The following SLC9A7 variants were observed in gnomAD, a reference collection of about 807,000 sequenced individuals.
SLC9A7 encodes solute carrier family 9 member A7.
A neutral mutation model predicts 52.6 loss-of-function variants in SLC9A7; 19 were observed. That is an observed-to-expected ratio of 0.36 (90% CI 0.25 to 0.53). The LOEUF (loss-of-function observed/expected upper bound fraction) is 0.53, where lower values mean the gene tolerates loss of function less well. Among genes scored for constraint, SLC9A7 ranks in the 20% least tolerant of loss-of-function variants. The pLI is 0.91. For synonymous variants in SLC9A7, 226 were observed against 252.1 expected, an observed-to-expected ratio of 0.90 and a Z score of 0.98; for missense variants, 455 against 597.9, an observed-to-expected ratio of 0.76 and a Z score of 2.49.
At position 46,602,198 on chromosome X, in the gene SLC9A7, C is replaced by T. The variant is rs929500616; in HGVS notation, c.*4754G>A. ...CTCCCCATACATACCCCAAGTCACC[C>T]TTCTCTTTCCTCGAAGGCTCCAAGG... On this transcript the variant is annotated 3_prime_UTR_variant, in exon 17 of 17. Coordinates refer to ENST00000616978, the MANE Select transcript of SLC9A7 (RefSeq NM_001257291.2). 1.8e-5 allele frequency: 2 copies of T among 111,628 alleles called. No individual in the cohort carries two copies. The highest frequency in any genetic ancestry group is 6.5e-5 in the African/African-American group (2 of 30,676). 9.2% of individuals were successfully genotyped at this position (111,628 alleles called of 1,213,427 possible). A position where few individuals can be genotyped will look rare whatever the true frequency, so the allele number is the denominator to read the frequency against.
At chrX:46,737,177 T>G (rs1200067428) in intron 1 of SLC9A7, among the ~76,000 whole-genome samples, 1 of 111,960 alleles carries the variant, frequency 8.9e-6, no homozygotes, top group African/African-American at 3.2e-5. Context: ...TAGGCAGATT[T>G]TGGCAGTGGC....
Position 46,742,768 on chromosome X carries a change from G to A in SLC9A7, c.325+15937C>T, listed in dbSNP as rs144647416. Among the ~76,000 whole-genome samples the A allele has an allele frequency of 2.1e-4, 23 of 112,139 alleles. 1 individual carries two copies. The highest frequency in any genetic ancestry group is 6.5e-4 in the African/African-American group (20 of 30,834). On this transcript the variant is annotated intron_variant, in intron 1 of 16. Coordinates refer to ENST00000616978, the MANE Select transcript of SLC9A7 (RefSeq NM_001257291.2). ...TGTTAAAAATTAAATTAATAAATCTGACCAGGTGTTGTGGCTCATGCCTAT... is the reference window on the plus strand; with the variant it reads ...TGTTAAAAATTAAATTAATAAATCTAACCAGGTGTTGTGGCTCATGCCTAT...
chrX:46,751,295 G>A (rs1006996419), intron 1 of SLC9A7, among the ~76,000 whole-genome samples: 3 of 110,560 alleles, frequency 2.7e-5, no homozygotes, highest in Admixed American at 2.0e-4. Flanking sequence ...CATTACATGC[G>A]TGAAAAACAA....
intron 14 of SLC9A7, among the ~76,000 whole-genome samples, chrX:46,622,194 G>A (rs1284091997): frequency 2.7e-5 from 3 of 111,682 alleles, no homozygotes; most frequent in Non-Finnish European, 5.6e-5. Flanking sequence ...AAATGGCTCA[G>A]TTAAATGGGC....
At chrX:46,626,535 G>A (rs1027663346) in intron 14 of SLC9A7, among the ~76,000 whole-genome samples, 9 of 112,497 alleles carry the variant, frequency 8.0e-5, no homozygotes, top group East Asian at 2.8e-4. Context: ...TTGGCCTCCC[G>A]AAGTGCTGGG....
intron 1 of SLC9A7, among the ~76,000 whole-genome samples, chrX:46,714,132 G>A (rs1415786658): frequency 9.1e-6 from 1 of 110,278 alleles, no homozygotes; most frequent in Admixed American, 9.7e-5. Context: ...TTGTATTAGG[G>A]GTTTTACTTA....
chrX:46,633,365 A>AAAAC (rs1943258169), intron 13 of SLC9A7, among the ~76,000 whole-genome samples: 1 of 96,641 alleles, frequency 1.0e-5, no homozygotes, highest in Non-Finnish European at 2.1e-5. Flanking sequence ...AAAAAAAAAA[A>AAAAC]AAAAAAAAAA....
At chrX:46,623,916 A>G (rs991722453) in intron 14 of SLC9A7, among the ~76,000 whole-genome samples, 2 of 111,867 alleles carry the variant, frequency 1.8e-5, no homozygotes, top group African/African-American at 3.3e-5. Flanking sequence ...AGAGAAACCA[A>G]CCATGTAATT....
chrX:46,654,985 T>TC (rs1556095191), intron 7 of SLC9A7, among the ~76,000 whole-genome samples: 1 of 95,154 alleles, frequency 1.1e-5, no homozygotes, highest in Non-Finnish European at 2.2e-5. Context: ...TTTCTTTCTT[T>TC]TTTTTTTTTT....
intron 1 of SLC9A7, among the ~76,000 whole-genome samples, chrX:46,723,148 A>G (rs1021820047): frequency 3.6e-5 from 4 of 109,722 alleles, no homozygotes; most frequent in Non-Finnish European, 7.6e-5. Flanking sequence ...AATCACCACC[A>G]CATATATAAC....
intron 1 of SLC9A7, among the ~76,000 whole-genome samples, chrX:46,735,971 T>C (rs1052263651): frequency 8.1e-5 from 9 of 111,775 alleles, no homozygotes; most frequent in Non-Finnish European, 1.7e-4. Context: ...GGTATCTGTT[T>C]ATTGTTTTGG....
intron 13 of SLC9A7, among the ~76,000 whole-genome samples, chrX:46,633,878 G>A (rs187495806): frequency 5.4e-5 from 6 of 110,637 alleles, no homozygotes; most frequent in African/African-American, 2.0e-4. Context: ...CACCATGTTG[G>A]CCAGGCTGGT....
At chrX:46,631,376 A>G (rs1374114150) in intron 14 of SLC9A7, among the ~76,000 whole-genome samples, 2 of 112,316 alleles carry the variant, frequency 1.8e-5, no homozygotes, top group African/African-American at 6.5e-5. Flanking sequence ...GATTAAGAAC[A>G]CATACCCTGG....
rs149453201 is a variant in SLC9A7, at chrX:46,674,402, A to G, written c.604-1775T>C. 4.1e-3 allele frequency among the ~76,000 whole-genome samples: 457 copies of G among 112,466 alleles called. 2 individuals are homozygous for G. The highest frequency in any genetic ancestry group is 0.014 in the African/African-American group (429 of 30,992). On this transcript the variant is annotated intron_variant, in intron 3 of 16. Coordinates refer to ENST00000616978, the MANE Select transcript of SLC9A7 (RefSeq NM_001257291.2). ...GAAAAGCTATACTACCTATTTGTGTATTATGTCTAGTACTTAAACGTATAC... is the reference window on the plus strand; with the variant it reads ...GAAAAGCTATACTACCTATTTGTGTGTTATGTCTAGTACTTAAACGTATAC...
At chrX:46,757,038 C>A (rs1297333059) in intron 1 of SLC9A7, among the ~76,000 whole-genome samples, 1 of 112,236 alleles carries the variant, frequency 8.9e-6, no homozygotes, top group East Asian at 2.8e-4. Context: ...GACAAATCTA[C>A]CTCCTATTTC....
At chrX:46,659,114 G>A (rs1943762754) in intron 7 of SLC9A7, among the ~76,000 whole-genome samples, 1 of 111,478 alleles carries the variant, frequency 9.0e-6, no homozygotes, top group Admixed American at 9.5e-5. Flanking sequence ...CAGAACCAAA[G>A]ACAAAAACCA....
intron 16 of SLC9A7, among the ~76,000 whole-genome samples, chrX:46,610,828 T>A (rs952987347): frequency 1.8e-5 from 2 of 112,453 alleles, no homozygotes; most frequent in African/African-American, 6.5e-5. Context: ...GTCCAGATAT[T>A]CCTAATCTAT....
intron 13 of SLC9A7, among the ~76,000 whole-genome samples, chrX:46,634,841 C>G (rs773994072): frequency 1.8e-5 from 2 of 111,411 alleles, no homozygotes. Flanking sequence ...CTCACAGTGC[C>G]GAGAACAGAG....
At chrX:46,713,593 A>G (rs1944723827) in intron 1 of SLC9A7, among the ~76,000 whole-genome samples, 1 of 110,113 alleles carries the variant, frequency 9.1e-6, no homozygotes, top group African/African-American at 3.3e-5. Context: ...TTTAGCAAGC[A>G]GAGGACTTAA....
Sources: allele counts gnomAD v4.1 joint callset (sites outside exome capture counted in the v4.1 genomes callset), GRCh38; gene constraint gnomAD v4.1.1; transcripts MANE v1.5; gene names NCBI Gene and HGNC (gene_info 2026-07-23, HGNC 2026-07-21).